The following STARD13 variants were observed in gnomAD, a reference collection of about 807,000 sequenced individuals.
STARD13 encodes StAR related lipid transfer domain containing 13.
STARD13 carries 62 observed loss-of-function variants against 106.4 expected under a neutral mutation model. The ratio of observed to expected loss-of-function variants is 0.58; its 90% CI spans 0.48 to 0.72. STARD13 has a LOEUF of 0.72. Ranked by LOEUF, STARD13 falls within the 30% of genes least tolerant of loss-of-function variation. The pLI is 0.00. For synonymous variants in STARD13, 565 were observed against 553.0 expected, an observed-to-expected ratio of 1.02 and a Z score of -0.31; for missense variants, 1,387 against 1,424.0, an observed-to-expected ratio of 0.97 and a Z score of 0.42.
chr13:33,542,863 G>A, the STARD13 span, among the ~76,000 whole-genome samples: 1 of 152,202 alleles, frequency 6.6e-6, no homozygotes, highest in East Asian at 1.9e-4. Context: ...ACCCGCGGAG[G>A]TGGCACGCGC....
the STARD13 span, among the ~76,000 whole-genome samples, chr13:33,428,180 T>C: frequency 1.3e-5 from 2 of 152,096 alleles, no homozygotes; most frequent in Non-Finnish European, 2.9e-5. Context: ...AATGACTTAA[T>C]ATGGATTAAA....
chr13:33,630,767 T>G, the STARD13 span, among the ~76,000 whole-genome samples: 1 of 152,178 alleles, frequency 6.6e-6, no homozygotes, highest in Non-Finnish European at 1.5e-5. Flanking sequence ...TGTACACCTT[T>G]GGTACTGAGA....
chr13:33,217,262 T>C (rs1888097266), intron 1 of STARD13, among the ~76,000 whole-genome samples: 1 of 152,154 alleles, frequency 6.6e-6, no homozygotes, highest in South Asian at 2.1e-4. Flanking sequence ...CAGCTCATTG[T>C]TTTTGATGGC....
At chr13:33,133,623 C>G (rs1340208883) in intron 4 of STARD13, among the ~76,000 whole-genome samples, 10 of 149,326 alleles carry the variant, frequency 6.7e-5, no homozygotes, top group Admixed American at 4.0e-4. Flanking sequence ...TCCATCACAA[C>G]TCAGGGCATG....
At chr13:33,515,641 G>A in the STARD13 span, among the ~76,000 whole-genome samples, 3 of 152,132 alleles carry the variant, frequency 2.0e-5, no homozygotes, top group African/African-American at 7.2e-5. Flanking sequence ...TGGTTCTACT[G>A]GGAAATCTTA....
the STARD13 span, among the ~76,000 whole-genome samples, chr13:33,661,918 T>A: frequency 2.6e-3 from 391 of 149,550 alleles, no homozygotes; most frequent in African/African-American, 7.6e-3. Context: ...AAAAAAAAAA[T>A]TATGATTATA....
At chr13:33,461,717 A>G in the STARD13 span, among the ~76,000 whole-genome samples, 1,402 of 152,276 alleles carry the variant, frequency 9.2e-3, 6 homozygotes, top group Non-Finnish European at 0.016. Flanking sequence ...TTAAAGATAG[A>G]GATGATATAT....
chr13:33,420,029 T>C, the STARD13 span, among the ~76,000 whole-genome samples: 1 of 152,222 alleles, frequency 6.6e-6, no homozygotes, highest in Non-Finnish European at 1.5e-5. Context: ...CCATTGATGC[T>C]ATGAAGAAAC....
chr13:33,511,677 C>G, the STARD13 span, among the ~76,000 whole-genome samples: 1 of 151,984 alleles, frequency 6.6e-6, no homozygotes, highest in Non-Finnish European at 1.5e-5. Flanking sequence ...TATTGCAAAT[C>G]CTAGGCGGAG....
chr13:33,592,160 G>T, the STARD13 span, among the ~76,000 whole-genome samples: 19 of 152,100 alleles, frequency 1.2e-4, no homozygotes, highest in African/African-American at 4.3e-4. Flanking sequence ...AGCAACAAAG[G>T]CAAATGGTTT....
chr13:33,545,256 G>C, the STARD13 span, among the ~76,000 whole-genome samples: 1 of 152,002 alleles, frequency 6.6e-6, no homozygotes, highest in Non-Finnish European at 1.5e-5. Flanking sequence ...CACCGCGCCT[G>C]GCCTAATTTT....
the STARD13 span, among the ~76,000 whole-genome samples, chr13:33,499,928 C>A: frequency 1.3e-5 from 2 of 151,754 alleles, no homozygotes; most frequent in Non-Finnish European, 2.9e-5. Context: ...CTGTGCCCAG[C>A]AAATTTTTTG....
the STARD13 span, among the ~76,000 whole-genome samples, chr13:33,628,683 G>A: frequency 3.3e-3 from 496 of 152,296 alleles, 2 homozygotes; most frequent in Non-Finnish European, 5.3e-3. Context: ...CTGAACCTCC[G>A]TGGCACAGCA....
At chr13:33,108,249 G>T (rs1455608896) in intron 12 of STARD13, among the ~76,000 whole-genome samples, 1 of 152,170 alleles carries the variant, frequency 6.6e-6, no homozygotes. Flanking sequence ...GAAGACAGGA[G>T]GCATCTCAGC....
intron 1 of STARD13, chr13:33,281,286 TC>T (rs1891766173): frequency 6.6e-6 from 1 of 152,122 alleles, no homozygotes. Flanking sequence ...TTGACTGCAA[TC>T]CGGATTATGC....
At chr13:33,374,567 C>T in the STARD13 span, among the ~76,000 whole-genome samples, 3 of 152,018 alleles carry the variant, frequency 2.0e-5, no homozygotes, top group East Asian at 3.8e-4. Context: ...TAGCGGCAAG[C>T]CACTAGAAAT....
chr13:33,334,320 T>G (rs2138569691), intron 1 of STARD13, among the ~76,000 whole-genome samples: 1 of 152,240 alleles, frequency 6.6e-6, no homozygotes, highest in East Asian at 1.9e-4. Flanking sequence ...ATCTTGCTGG[T>G]GAGACAAGGA....
the STARD13 span, among the ~76,000 whole-genome samples, chr13:33,507,180 T>C: frequency 2.0e-5 from 3 of 152,140 alleles, no homozygotes; most frequent in South Asian, 2.1e-4. Context: ...ACAAACAACA[T>C]AGTTATGAAC....
chr13:33,302,672 G>A (rs1278908828), intron 1 of STARD13, among the ~76,000 whole-genome samples: 2 of 152,176 alleles, frequency 1.3e-5, no homozygotes, highest in African/African-American at 4.8e-5. Context: ...CTCCCAAAAT[G>A]TTGGAATTAC....
Sources: gnomAD v4.1 joint callset for allele counts (sites outside exome capture counted in the v4.1 genomes callset) on GRCh38, gnomAD v4.1.1 for gene constraint, MANE v1.5 for transcripts, NCBI Gene and HGNC (gene_info 2026-07-23, HGNC 2026-07-21) for gene names.